PARD3: variants seen among roughly 807,000 people sequenced by gnomAD.
The protein encoded by PARD3 is partitioning defective 3 homolog.
A neutral mutation model predicts 155.4 loss-of-function variants in PARD3; 75 were observed. That is an observed-to-expected ratio of 0.48 (90% CI 0.40 to 0.58). The LOEUF (loss-of-function observed/expected upper bound fraction) is 0.58, where lower values mean the gene tolerates loss of function less well. Among genes scored for constraint, PARD3 ranks in the 20% least tolerant of loss-of-function variants. The pLI, the probability that PARD3 is intolerant of heterozygous loss-of-function variation, is 0.00. For synonymous variants in PARD3, 576 were observed against 610.5 expected (o/e 0.94, Z 0.83); for missense variants, 1,642 against 1,721.7 (o/e 0.95, Z 0.82).
chr10:34,112,666 C>G (rs538257772), intron 24 of PARD3, among the ~76,000 whole-genome samples: 1 of 152,212 alleles, frequency 6.6e-6, no homozygotes, highest in African/African-American at 2.4e-5. Context: ...AAGATTTTCA[C>G]GGAAGGAAAA....
intron 1 of PARD3, among the ~76,000 whole-genome samples, chr10:34,744,721 C>G (rs1026881285): frequency 2.0e-5 from 3 of 152,276 alleles, no homozygotes; most frequent in Middle Eastern, 3.4e-3. Flanking sequence ...TCTCAGTAGT[C>G]AAGAGAAATA....
intron 7 of PARD3, among the ~76,000 whole-genome samples, chr10:34,390,098 T>C (rs1353996293): frequency 1.3e-5 from 2 of 152,150 alleles, no homozygotes; most frequent in African/African-American, 4.8e-5. Context: ...CAAATAAAGT[T>C]AAATTGCGTT....
intron 7 of PARD3, among the ~76,000 whole-genome samples, chr10:34,394,912 C>G (rs922279923): frequency 6.6e-6 from 1 of 151,070 alleles, no homozygotes; most frequent in Admixed American, 6.6e-5. Context: ...TACCTACAAC[C>G]AGGTTCTAGA....
intron 19 of PARD3, among the ~76,000 whole-genome samples, chr10:34,322,828 T>A (rs1026873961): frequency 6.6e-6 from 1 of 152,204 alleles, no homozygotes; most frequent in Admixed American, 6.5e-5. Flanking sequence ...CATTTAACTA[T>A]GAACTACCTT....
chr10:34,173,722 C>T (rs1487828206), intron 22 of PARD3, among the ~76,000 whole-genome samples: 1 of 152,188 alleles, frequency 6.6e-6, no homozygotes, highest in African/African-American at 2.4e-5. Context: ...ATTTGACTGC[C>T]TCTCTAAGGG....
At chr10:34,346,563 T>TCATC (rs1353149501) in intron 15 of PARD3, 2 of 1,200,428 alleles carry the variant, frequency 1.7e-6, no homozygotes, top group African/African-American at 3.2e-5. Flanking sequence ...AAAAATAATT[T>TCATC]AACAAAGATA....
chr10:34,568,131 G>C (rs530225727), intron 2 of PARD3, among the ~76,000 whole-genome samples: 11 of 152,222 alleles, frequency 7.2e-5, no homozygotes, highest in African/African-American at 2.6e-4. Flanking sequence ...ATTTGAGTCT[G>C]TTATCCACAG....
intron 5 of PARD3, among the ~76,000 whole-genome samples, chr10:34,434,533 G>A (rs1278651293): frequency 6.6e-6 from 1 of 152,184 alleles, no homozygotes; most frequent in African/African-American, 2.4e-5. Context: ...TTCACCCACG[G>A]TGTTCCTGGG....
intron 22 of PARD3, among the ~76,000 whole-genome samples, chr10:34,135,499 A>T (rs551726358): frequency 6.6e-6 from 1 of 152,276 alleles, no homozygotes; most frequent in South Asian, 2.1e-4. Flanking sequence ...TACTACGGGG[A>T]TTGCAGTCTT....
chr10:34,318,744 A>G (rs1035879863), intron 19 of PARD3, among the ~76,000 whole-genome samples: 2 of 152,106 alleles, frequency 1.3e-5, no homozygotes, highest in Non-Finnish European at 2.9e-5. Context: ...CATAATGCAA[A>G]AAACAAAGCT....
chr10:34,759,436 C>T (rs1156805398), intron 1 of PARD3, among the ~76,000 whole-genome samples: 1 of 152,038 alleles, frequency 6.6e-6, no homozygotes, highest in Non-Finnish European at 1.5e-5. Context: ...TTAGCTAGAA[C>T]CACCCAAGTA....
chr10:34,456,387 C>A (rs11009792), intron 4 of PARD3, among the ~76,000 whole-genome samples: 11,277 of 152,162 alleles, frequency 0.074, 1,282 homozygotes, highest in African/African-American at 0.25. Flanking sequence ...ACCTCCGTCT[C>A]CCTGGTTCAA....
chr10:34,763,542 G>C (rs1182408569), intron 1 of PARD3, among the ~76,000 whole-genome samples: 1 of 152,272 alleles, frequency 6.6e-6, no homozygotes, highest in East Asian at 1.9e-4. Flanking sequence ...AAATAGAGAT[G>C]TTGAGTCATA....
chr10:34,504,535 A>G (rs1002545520), intron 3 of PARD3, among the ~76,000 whole-genome samples: 2 of 152,246 alleles, frequency 1.3e-5, no homozygotes, highest in African/African-American at 2.4e-5. Flanking sequence ...AAATTGAGTA[A>G]ACACAAAATA....
At chr10:34,129,203 AG>A (rs1261454065) in intron 23 of PARD3, among the ~76,000 whole-genome samples, 1 of 151,918 alleles carries the variant, frequency 6.6e-6, no homozygotes, top group Non-Finnish European at 1.5e-5. Flanking sequence ...TCCAGGCTGG[AG>A]GGCAGTGGTG....
intron 2 of PARD3, among the ~76,000 whole-genome samples, chr10:34,610,695 T>G (rs150622319): frequency 1.4e-3 from 209 of 152,342 alleles, no homozygotes; most frequent in Middle Eastern, 6.8e-3. Context: ...GACAGCATTT[T>G]GTTTTATTTC....
At chr10:34,654,565 C>T (rs1051376010) in intron 2 of PARD3, among the ~76,000 whole-genome samples, 24 of 152,172 alleles carry the variant, frequency 1.6e-4, no homozygotes, top group African/African-American at 5.6e-4. Flanking sequence ...TTCCAGGTTC[C>T]ACAAAAACTC....
intron 14 of PARD3, among the ~76,000 whole-genome samples, chr10:34,355,941 A>AAAAAC (rs1554837455): frequency 9.1e-5 from 12 of 131,954 alleles, no homozygotes; most frequent in Non-Finnish European, 1.2e-4. Flanking sequence ...AAAAAAAAAA[A>AAAAAC]AAAAACAAAA....
chr10:34,383,033 A>T (rs1370438881), intron 8 of PARD3, 111 bp from the exon 9 acceptor site: 1 of 1,185,018 alleles, frequency 8.4e-7, no homozygotes, highest in Non-Finnish European at 1.2e-6. Flanking sequence ...AGGCTGTTGA[A>T]ATTGAAAAGC....
Sources: gnomAD v4.1 joint callset for allele counts (sites outside exome capture counted in the v4.1 genomes callset) on GRCh38, gnomAD v4.1.1 for gene constraint, MANE v1.5 for transcripts, NCBI Gene and HGNC (gene_info 2026-07-23, HGNC 2026-07-21) for gene names.